The following GLO1 variants were observed in gnomAD, a reference collection of about 807,000 sequenced individuals.
GLO1 encodes glyoxalase I.
A neutral mutation model predicts 26.0 loss-of-function variants in GLO1; 28 were observed. The observed-to-expected ratio is 1.08, with a 90% CI of 0.80 to 1.48. The LOEUF (loss-of-function observed/expected upper bound fraction) is 1.48, where lower values mean the gene tolerates loss of function less well. Ranked by LOEUF, GLO1 falls within the 40% of genes most tolerant of loss-of-function variation. GLO1 has a pLI of 0.00. For synonymous variants in GLO1, 78 were observed against 77.6 expected (o/e 1.00, Z -0.03); for missense variants, 225 against 224.8 (o/e 1.00, Z -0.01).
At chr6:38,702,056 G>C (rs1056212001) in intron 1 of GLO1, among the ~76,000 whole-genome samples, 3 of 151,342 alleles carry the variant, frequency 2.0e-5, no homozygotes, top group Non-Finnish European at 4.4e-5. Context: ...TCAGCCTCCC[G>C]AGTAGCTGGG....
chr6:38,695,793 G>C lies in GLO1; in HGVS notation c.84+7178C>G, dbSNP rs533737028. On this transcript the variant is annotated intron_variant, in intron 1 of 5. Coordinates refer to ENST00000373365, the MANE Select transcript of GLO1 (RefSeq NM_006708.3). ...TGTCTAAAAGTTTTCTTTCTTGCCAGGAAATGCTGCCCATTTCCAGGTCCT... is the reference window on the plus strand; with the variant it reads ...TGTCTAAAAGTTTTCTTTCTTGCCACGAAATGCTGCCCATTTCCAGGTCCT... Among the ~76,000 whole-genome samples the C allele has an allele frequency of 6.6e-5, 10 of 152,252 alleles. No individual in the cohort carries two copies. The East Asian group carries it at 1.9e-3, about 29-fold the overall frequency.
chr6:38,678,470 G>A (rs1180250102), intron 5 of GLO1, among the ~76,000 whole-genome samples: 1 of 152,084 alleles, frequency 6.6e-6, no homozygotes, highest in Non-Finnish European at 1.5e-5. Context: ...GTGACAGCTG[G>A]GGAGAATGGG....
At chr6:38,681,876 C>T in intron 5 of GLO1, 136 bp downstream of exon 5, 1 of 611,328 alleles carries the variant, frequency 1.6e-6, no homozygotes, top group Non-Finnish European at 3.0e-6. Flanking sequence ...AATCATTTCT[C>T]TTTTTTAAAA....
intron 5 of GLO1, among the ~76,000 whole-genome samples, chr6:38,681,692 A>G (rs1168711084): frequency 6.6e-6 from 1 of 152,200 alleles, no homozygotes; most frequent in Non-Finnish European, 1.5e-5. Context: ...TTTTGGGCGG[A>G]AAGATATACA....
intron 1 of GLO1, among the ~76,000 whole-genome samples, chr6:38,690,751 C>T (rs1781719): frequency 0.56 from 84,575 of 151,942 alleles, 24,646 homozygotes; most frequent in African/African-American, 0.74. Flanking sequence ...ATATATTCAA[C>T]GTTAGTGAAT....
rs779090768 is a variant in GLO1 at position 38,684,476 on chromosome 6, G to A, written c.206C>T (p.Ser69Leu). 1.3e-6 allele frequency: 2 copies of A among 1,562,352 alleles called. No homozygotes were observed. Among genetic ancestry groups the A allele is most frequent in the Non-Finnish European group, 1.7e-6 (2 of 1,155,232 alleles). Reference protein sequence around the residue: ...QKCDFPIMKFSLYFLAYEDKN... With the variant: ...QKCDFPIMKFLLYFLAYEDKN... ...ATCCTCATAAGCCAAGAAGTAGAGTGAAAACTTCATAATGGGAAAATCACA... is the reference window on the plus strand; with the variant it reads ...ATCCTCATAAGCCAAGAAGTAGAGTAAAAACTTCATAATGGGAAAATCACA... Residue 69 changes from serine (S) to leucine (L), a missense_variant, in exon 3 of 6, where the codon TCA becomes TTA. Coordinates refer to ENST00000373365, the MANE Select transcript of GLO1 (RefSeq NM_006708.3).
chr6:38,678,374 G>A (rs1761302200), intron 5 of GLO1, among the ~76,000 whole-genome samples: 1 of 150,974 alleles, frequency 6.6e-6, no homozygotes, highest in Admixed American at 6.6e-5. Flanking sequence ...AGGAGGGAGG[G>A]AGAGAGAGGA....
At chr6:38,695,683 A>G (rs986924011) in intron 1 of GLO1, among the ~76,000 whole-genome samples, 1 of 152,216 alleles carries the variant, frequency 6.6e-6, no homozygotes, top group Middle Eastern at 3.4e-3. Context: ...GTGAAAATCT[A>G]GGCTCCCCAC....
chr6:38,682,041 C>G lies in GLO1; in HGVS notation c.437G>C (p.Gly146Ala). The G allele has an allele frequency of 5.0e-6, 8 of 1,585,350 alleles. No homozygotes were observed. Among genetic ancestry groups the G allele is most frequent in the Non-Finnish European group, 6.9e-6 (8 of 1,153,762 alleles). ...YSACKRFEELGVKFVKKPDDG... is the reference protein window; with the variant it reads ...YSACKRFEELAVKFVKKPDDG... ...ATCAGGTTTCTTCACAAATTTGACT[C>G]CCAGTTCTTCAAACCTTTTACAAGC... The change falls in exon 5 of 6, where the codon GGA (glycine) becomes GCA (alanine). Residue 146 changes from glycine (G) to alanine (A), a missense_variant. By Grantham distance (60) the Gly-to-Ala change is moderately conservative (BLOSUM62 0). Coordinates refer to ENST00000373365, the MANE Select transcript of GLO1 (RefSeq NM_006708.3).
Position 38,698,519 on chromosome 6 carries a change from C to T in GLO1, c.84+4452G>A, listed in dbSNP as rs568504562. Among the ~76,000 whole-genome samples, 194 of 148,196 alleles carry T rather than the reference C, an allele frequency of 1.3e-3. 1 individual carries two copies. The highest frequency in any genetic ancestry group is 2.4e-3 in the Non-Finnish European group (161 of 67,310). On this transcript the variant is annotated intron_variant, in intron 1 of 5. Coordinates refer to ENST00000373365, the MANE Select transcript of GLO1 (RefSeq NM_006708.3). ...TATATTCATATATTTATATATGGAA[C>T]GATGTGAAAATGGACATTGGCAGTG...
chr6:38,679,525 G>T (rs1191327696), intron 5 of GLO1, among the ~76,000 whole-genome samples: 1 of 152,106 alleles, frequency 6.6e-6, no homozygotes, highest in African/African-American at 2.4e-5. Flanking sequence ...GCCGGGTGTG[G>T]TGGTTCACAT....
At chr6:38,692,773 G>A (rs1210844931) in intron 1 of GLO1, among the ~76,000 whole-genome samples, 1 of 150,650 alleles carries the variant, frequency 6.6e-6, no homozygotes, top group East Asian at 1.9e-4. Flanking sequence ...TGCCTTTTCT[G>A]TACCAACTGA....
At chr6:38,699,265 C>A (rs551360448) in intron 1 of GLO1, among the ~76,000 whole-genome samples, 60 of 152,286 alleles carry the variant, frequency 3.9e-4, no homozygotes, top group Non-Finnish European at 7.4e-4. Flanking sequence ...CCAAATAATA[C>A]TTTTATAATT....
chr6:38,682,106 C>CGT lies in GLO1; in HGVS notation c.377-7_377-6dup. ...GAACAGCAATTCCAATATGACCTTA[C>CGT]GTGATACCCCCCGAAAAAAGCAGAG... On this transcript the variant is annotated splice_polypyrimidine_tract_variant and splice_region_variant and intron_variant, in intron 4 of 5. Transcript: ENST00000373365. The CGT allele has an allele frequency of 6.7e-7, 1 of 1,483,168 alleles. No individual in the cohort carries two copies. The allele number at this position is 1,483,168 out of a possible 1,614,324, so 91.9% of individuals were successfully genotyped here.
intron 1 of GLO1, among the ~76,000 whole-genome samples, chr6:38,701,826 A>G (rs528035627): frequency 1.3e-5 from 2 of 152,290 alleles, no homozygotes; most frequent in South Asian, 2.1e-4. Flanking sequence ...CACATATTCA[A>G]TCTTCAAGGA....
At position 38,696,468 on chromosome 6, in the gene GLO1, A is replaced by C. The variant is rs186487336; in HGVS notation, c.84+6503T>G. Among the ~76,000 whole-genome samples the C allele has an allele frequency of 5.8e-4, 88 of 152,360 alleles. No homozygotes were observed. In the East Asian group the frequency reaches 0.014, roughly 25 times the overall value. On this transcript the variant is annotated intron_variant, in intron 1 of 5. Coordinates refer to ENST00000373365, the MANE Select transcript of GLO1 (RefSeq NM_006708.3). ...ACAGGTTTGGAGGCTAGGAAGTCCA[A>C]GATCAAGGCACTTGGAGATTTAGTG...
intron 1 of GLO1, among the ~76,000 whole-genome samples, chr6:38,690,678 CACAT>C (rs1761517073): frequency 1.3e-5 from 2 of 151,998 alleles, no homozygotes; most frequent in Admixed American, 1.3e-4. Flanking sequence ...TCTGCCTAAA[CACAT>C]ACACATAAAG....
At chr6:38,680,609 G>C (rs1285561613) in intron 5 of GLO1, among the ~76,000 whole-genome samples, 2 of 152,234 alleles carry the variant, frequency 1.3e-5, no homozygotes, top group Admixed American at 1.3e-4. Flanking sequence ...TGCTAAAAAG[G>C]CTGGGCATAG....
At position 38,684,501 on chromosome 6, in the gene GLO1, AT is replaced by A; in HGVS notation, c.180del (p.Lys60AsnfsTer7). 2.6e-6 allele frequency: 4 copies of A among 1,544,258 alleles called. No homozygotes were observed. Among genetic ancestry groups the A allele is most frequent in the Non-Finnish European group, 3.5e-6 (4 of 1,147,042 alleles). ...TRVLGMTLIQ[K>X]CDFPIMKFSL... ...GAAAACTTCATAATGGGAAAATCACATTTTTGGATTAGCCTGCAATGAAAAA... is the reference window on the plus strand; with the variant it reads ...GAAAACTTCATAATGGGAAAATCACATTTTGGATTAGCCTGCAATGAAAAA... On this transcript the variant is annotated frameshift_variant, in exon 3 of 6. Transcript: ENST00000373365. LOFTEE classifies it high-confidence loss of function.
Sources: allele counts gnomAD v4.1 joint callset (sites outside exome capture counted in the v4.1 genomes callset), GRCh38; gene constraint gnomAD v4.1.1; transcripts MANE v1.5; gene names NCBI Gene and HGNC (gene_info 2026-07-23, HGNC 2026-07-21).